HDGFL2: variants seen among roughly 807,000 people sequenced by gnomAD.
HDGFL2 encodes hepatoma-derived growth factor-related protein 2.
In HDGFL2, 36 loss-of-function variants were observed where a neutral mutation model predicts 77.1. That is an observed-to-expected ratio of 0.47 (90% CI 0.36 to 0.62). HDGFL2 has a LOEUF of 0.62. Ranked by LOEUF, HDGFL2 falls within the 20% of genes least tolerant of loss-of-function variation. The pLI is 0.00. For missense variants in HDGFL2, 976 were observed against 973.4 expected, an observed-to-expected ratio of 1.00 and a Z score of -0.04; for synonymous variants, 463 against 413.1, an observed-to-expected ratio of 1.12 and a Z score of -1.46.
intron 3 of HDGFL2, among the ~76,000 whole-genome samples, chr19:4,478,982 A>G (rs1477193459): frequency 6.6e-6 from 1 of 150,948 alleles, no homozygotes; most frequent in Non-Finnish European, 1.5e-5. Flanking sequence ...CGCGCCCAAC[A>G]GCGGGAAGTA....
At chr19:4,472,450 T>TAGGGGGGGGG (rs1264231334) in intron 1 of HDGFL2, 28 bp downstream of exon 1, 1 of 268,010 alleles carries the variant, frequency 3.7e-6, no homozygotes, top group African/African-American at 4.7e-5. Context: ...ATGGGGCCGG[T>TAGGGGGGGGG]GGGGGGGGGG....
At chr19:4,473,651 T>G in intron 1 of HDGFL2, among the ~76,000 whole-genome samples, 1 of 104,706 alleles carries the variant, frequency 9.6e-6, no homozygotes. Context: ...AGGTTGAGGG[T>G]CAAGGCTAAG....
At chr19:4,495,905 TGCCTGGG>T (rs1425048732) in intron 9 of HDGFL2, among the ~76,000 whole-genome samples, 12 of 152,242 alleles carry the variant, frequency 7.9e-5, no homozygotes, top group Middle Eastern at 3.4e-3. Context: ...CTAGACTGAG[TGCCTGGG>T]GCCCACGTGC....
intron 1 of HDGFL2, among the ~76,000 whole-genome samples, chr19:4,474,659 C>T (rs149454385): frequency 2.4e-4 from 36 of 152,244 alleles, no homozygotes; most frequent in African/African-American, 7.0e-4. Flanking sequence ...TCCCAGCTCT[C>T]TTCTTCCCAG....
At chr19:4,499,844 C>A in intron 14 of HDGFL2, 140 bp downstream of exon 14, 1 of 701,826 alleles carries the variant, frequency 1.4e-6, no homozygotes, top group Non-Finnish European at 2.3e-6. Context: ...GTTGGGGTCT[C>A]CGTGCAGACC....
chr19:4,501,415 ATGGG>A, intron 15 of HDGFL2, 98 bp downstream of exon 15: 1 of 1,413,976 alleles, frequency 7.1e-7, no homozygotes, highest in Non-Finnish European at 9.5e-7. Context: ...TCCCTCTGGG[ATGGG>A]TCCCAGGGAT....
At chr19:4,491,441 G>A in intron 4 of HDGFL2, 125 bp from the exon 5 acceptor site, 1 of 737,536 alleles carries the variant, frequency 1.4e-6, no homozygotes, top group South Asian at 1.7e-5. Context: ...GGTTCTCAGA[G>A]GGTTCCTGGC....
intron 9 of HDGFL2, 103 bp from the exon 10 acceptor site, chr19:4,496,199 C>A: frequency 2.2e-6 from 2 of 903,100 alleles, no homozygotes; most frequent in Non-Finnish European, 1.8e-6. Context: ...GTGTGGAGGG[C>A]GACAGAAAGG....
chr19:4,491,554 T>C lies in HDGFL2; in HGVS notation c.490-12T>C, dbSNP rs1169864267. On this transcript the variant is annotated splice_polypyrimidine_tract_variant and intron_variant, in intron 4 of 15. Transcript: ENST00000616600. ...TTCCCATCACTGAGCATTCAGGCCG[T>C]TCCCCTTCCAGATGTCGGTCTCGAA... is the stretch of plus-strand genomic sequence containing the variant. 6.2e-7 allele frequency: 1 copy of C among 1,612,448 alleles called. No homozygotes were observed. The highest frequency in any genetic ancestry group is 1.7e-5 in the Admixed American group (1 of 59,956).
At chr19:4,480,459 C>T (rs1270504099) in intron 3 of HDGFL2, among the ~76,000 whole-genome samples, 1 of 152,184 alleles carries the variant, frequency 6.6e-6, no homozygotes, top group African/African-American at 2.4e-5. Context: ...TGGCTCACAC[C>T]TGTAATCCCA....
intron 14 of HDGFL2, among the ~76,000 whole-genome samples, chr19:4,500,889 C>T (rs567463691): frequency 6.6e-5 from 10 of 152,316 alleles, no homozygotes; most frequent in African/African-American, 9.6e-5. Flanking sequence ...TGTGAGCCCC[C>T]GTGCCCGACC....
intron 3 of HDGFL2, among the ~76,000 whole-genome samples, chr19:4,481,307 C>A (rs1201044180): frequency 6.6e-6 from 1 of 151,630 alleles, no homozygotes; most frequent in Non-Finnish European, 1.5e-5. Flanking sequence ...TCTCCTGCCT[C>A]AGCCTCCCGA....
intron 9 of HDGFL2, 46 bp downstream of exon 9, chr19:4,494,521 T>C: frequency 7.8e-7 from 1 of 1,283,766 alleles, no homozygotes; most frequent in Non-Finnish European, 1.0e-6. Context: ...CTCCACACGT[T>C]TATGGAGCAT....
In HDGFL2 at chr19:4,496,295, G is replaced by C; in HGVS notation, c.1225-7G>C. The C allele has an allele frequency of 6.2e-7, 1 of 1,613,694 alleles. No homozygotes were observed. Among genetic ancestry groups the C allele is most frequent in the Admixed American group, 1.7e-5 (1 of 60,024 alleles). Reference sequence around the variant, plus strand: ...CTGCTCCAGCGCGCCCTTCCTGACTGCTATAGGCCAAGAAATCAGCGAAGA... The same window carrying C: ...CTGCTCCAGCGCGCCCTTCCTGACTCCTATAGGCCAAGAAATCAGCGAAGA... On this transcript the variant is annotated splice_polypyrimidine_tract_variant and splice_region_variant and intron_variant, in intron 9 of 15. Coordinates refer to ENST00000616600, the MANE Select transcript of HDGFL2 (RefSeq NM_001001520.3).
chr19:4,492,632 TTTG>T (rs1437172460), intron 6 of HDGFL2, among the ~76,000 whole-genome samples: 2 of 147,670 alleles, frequency 1.4e-5, no homozygotes, highest in Admixed American at 1.3e-4. Context: ...TGGTGTGTGT[TTTG>T]TTTGTGTGTG....
At chr19:4,474,232 C>T (rs1344224719) in intron 1 of HDGFL2, among the ~76,000 whole-genome samples, 1 of 152,054 alleles carries the variant, frequency 6.6e-6, no homozygotes, top group Non-Finnish European at 1.5e-5. Flanking sequence ...GAGGGGGACA[C>T]CAAACGGTGC....
chr19:4,472,940 T>G (rs1016919509), intron 1 of HDGFL2, among the ~76,000 whole-genome samples: 29 of 150,336 alleles, frequency 1.9e-4, no homozygotes, highest in Non-Finnish European at 4.1e-4. Flanking sequence ...CTAGGGGTTC[T>G]GAGGGTGTCT....
At chr19:4,499,053 A>T in intron 13 of HDGFL2, 138 bp downstream of exon 13, 1 of 627,564 alleles carries the variant, frequency 1.6e-6, no homozygotes, top group Non-Finnish European at 2.9e-6. Flanking sequence ...GCTGGGTAGA[A>T]ATGCCTGGTG....
At chr19:4,501,388 C>T (rs774617486) in intron 15 of HDGFL2, 71 bp downstream of exon 15, 35 of 1,505,914 alleles carry the variant, frequency 2.3e-5, no homozygotes, top group South Asian at 6.5e-5. Flanking sequence ...GGGTCCGAGC[C>T]GCTCCTCCTG....
Sources: allele counts gnomAD v4.1 joint callset (sites outside exome capture counted in the v4.1 genomes callset), GRCh38; gene constraint gnomAD v4.1.1; transcripts MANE v1.5; gene names NCBI Gene and HGNC (gene_info 2026-07-23, HGNC 2026-07-21).